The following ZBTB8OS variants were observed in gnomAD, a reference collection of about 807,000 sequenced individuals.
ZBTB8OS encodes the protein tRNA splicing ligase complex subunit 1.
In ZBTB8OS, 16 loss-of-function variants were observed where a neutral mutation model predicts 29.3. That is an observed-to-expected ratio of 0.55 (90% CI 0.37 to 0.83). The LOEUF is 0.83. Among genes scored for constraint, ZBTB8OS ranks in the 40% least tolerant of loss-of-function variants. ZBTB8OS has a pLI of 0.00. For synonymous variants in ZBTB8OS, 70 were observed against 64.6 expected (o/e 1.08, Z -0.40); for missense variants, 160 against 196.9 (o/e 0.81, Z 1.12).
chr1:32,627,713 G>A (rs1645222522), intron 5 of ZBTB8OS, 169 bp from the exon 6 acceptor site: 4 of 615,502 alleles, frequency 6.5e-6, no homozygotes, highest in Non-Finnish European at 8.6e-6. Context: ...GTTGAGGGAC[G>A]TGTGTGCAGT....
chr1:32,624,455 G>C (rs1205926812), intron 6 of ZBTB8OS, among the ~76,000 whole-genome samples: 1 of 152,214 alleles, frequency 6.6e-6, no homozygotes, highest in Non-Finnish European at 1.5e-5. Context: ...CTGAATGCAT[G>C]CATAAATTCA....
chr1:32,632,833 C>T (rs917333996), intron 4 of ZBTB8OS, among the ~76,000 whole-genome samples: 7 of 152,098 alleles, frequency 4.6e-5, no homozygotes, highest in African/African-American at 1.7e-4. Flanking sequence ...TGTTGTTTAA[C>T]GCTGGGGGAA....
chr1:32,632,087 C>G (rs1370488223), intron 4 of ZBTB8OS: 3 of 270,462 alleles, frequency 1.1e-5, no homozygotes, highest in African/African-American at 6.9e-5. Context: ...CTGCAACCTC[C>G]ACCTCCCAGG....
chr1:32,637,429 G>C (rs1646057685), intron 1 of ZBTB8OS, among the ~76,000 whole-genome samples: 2 of 151,834 alleles, frequency 1.3e-5, no homozygotes, highest in Admixed American at 1.3e-4. Context: ...TGAGCTGGGC[G>C]TGGTGGCACC....
Position 32,648,761 on chromosome 1 carries a change from C to G in ZBTB8OS, c.97+1672G>C, listed in dbSNP as rs192485719. 2.5e-3 allele frequency among the ~76,000 whole-genome samples: 373 copies of G among 151,012 alleles called. 1 individual carries two copies. Among genetic ancestry groups the G allele is most frequent in the Middle Eastern group, 0.011 (3 of 284 alleles). On this transcript the variant is annotated intron_variant, in intron 1 of 6. Coordinates refer to ENST00000468695, the MANE Select transcript of ZBTB8OS (RefSeq NM_178547.5). Reference sequence around the variant, plus strand: ...GCAACCTCCGCCTCCCAGGTTCAAGCGATTCTCCTGCCTCAGCCGCCCAAG... The same window carrying G: ...GCAACCTCCGCCTCCCAGGTTCAAGGGATTCTCCTGCCTCAGCCGCCCAAG...
chr1:32,629,567 C>T (rs1163176573), intron 5 of ZBTB8OS, among the ~76,000 whole-genome samples: 1 of 152,060 alleles, frequency 6.6e-6, no homozygotes, highest in Non-Finnish European at 1.5e-5. Flanking sequence ...ACAACTTTTC[C>T]AAAAATATCC....
intron 1 of ZBTB8OS, 62 bp from the exon 2 acceptor site, chr1:32,634,854 A>G: frequency 5.5e-6 from 6 of 1,088,870 alleles, no homozygotes; most frequent in Non-Finnish European, 8.6e-6. Context: ...TCACACACAC[A>G]AAATAACTCT....
rs16835056 is a variant in ZBTB8OS at position 32,629,027 on chromosome 1, T to C, written c.381-1483A>G. Among the ~76,000 whole-genome samples, 259 of 152,312 alleles carry C rather than the reference T, an allele frequency of 1.7e-3. 3 individuals are homozygous for C. The East Asian group carries it at 0.034, about 20-fold the overall frequency. ...AATGTGCCCCAATATAGTGTACCTA[T>C]GGTGGAATCTCAATAAACATTGTTT... is the stretch of plus-strand genomic sequence containing the variant. On this transcript the variant is annotated intron_variant, in intron 5 of 6. Coordinates refer to ENST00000468695, the MANE Select transcript of ZBTB8OS (RefSeq NM_178547.5).
rs374556805 is a variant in ZBTB8OS at position 32,634,596 on chromosome 1, C to T, written c.122+172G>A. ...AGGCTGGGGTGCAGTGGTGCAATCT[C>T]GGCTCACTGAGCCACTGAACCCTGC... is the stretch of plus-strand genomic sequence containing the variant. On this transcript the variant is annotated intron_variant, in intron 2 of 6. Transcript: ENST00000468695. 549 of 733,800 alleles carry T rather than the reference C, an allele frequency of 7.5e-4. 5 individuals carry two copies. The African/African-American group carries it at 8.4e-3, about 11-fold the overall frequency. The allele number at this position is 733,800 out of a possible 1,614,324, so 45.5% of individuals were successfully genotyped here.
chr1:32,647,530 C>G (rs578126197), intron 1 of ZBTB8OS, among the ~76,000 whole-genome samples: 2 of 152,232 alleles, frequency 1.3e-5, no homozygotes, highest in Admixed American at 1.3e-4. Flanking sequence ...AGGAACCAGG[C>G]AGCACAGCAG....
intron 1 of ZBTB8OS, among the ~76,000 whole-genome samples, chr1:32,642,232 G>A (rs756076669): frequency 1.3e-5 from 2 of 152,066 alleles, no homozygotes; most frequent in Non-Finnish European, 2.9e-5. Context: ...GGCCGGGCGC[G>A]GTGGTTCATA....
chr1:32,646,463 C>T (rs1169688662), intron 1 of ZBTB8OS, among the ~76,000 whole-genome samples: 1 of 151,562 alleles, frequency 6.6e-6, no homozygotes, highest in Non-Finnish European at 1.5e-5. Context: ...TCTCGGCTCA[C>T]TGCAAGCTCC....
At chr1:32,621,981 A>T in intron 6 of ZBTB8OS, 33 bp from the exon 7 acceptor site, 1 of 1,394,980 alleles carries the variant, frequency 7.2e-7, no homozygotes. Context: ...AAAAAAAAAA[A>T]AGGAAAATAG....
At chr1:32,630,031 G>A (rs1046792238) in intron 5 of ZBTB8OS, among the ~76,000 whole-genome samples, 2 of 151,870 alleles carry the variant, frequency 1.3e-5, no homozygotes, top group African/African-American at 4.8e-5. Flanking sequence ...GATTACAGGC[G>A]TGAGCCACTG....
At chr1:32,634,329 C>A (rs1645795864) in intron 2 of ZBTB8OS, 1 of 310,760 alleles carries the variant, frequency 3.2e-6, no homozygotes, top group Admixed American at 4.6e-5. Flanking sequence ...TGGGTTCAAG[C>A]AATTCTCCTG....
rs185380805 is a variant in ZBTB8OS at position 32,636,428 on chromosome 1, C to A, written c.98-1636G>T. On this transcript the variant is annotated intron_variant, in intron 1 of 6. Transcript: ENST00000468695. ...ACTTGAGTCTGGGCGCAGTTGCTCA[C>A]GCCTGTAATCCCAGCACTTCGGGAG... is the stretch of plus-strand genomic sequence containing the variant. Among the ~76,000 whole-genome samples, 45 of 152,258 alleles carry A rather than the reference C, an allele frequency of 3.0e-4. No homozygotes were observed. The East Asian group carries it at 8.5e-3, about 29-fold the overall frequency.
At chr1:32,627,627 T>C in intron 5 of ZBTB8OS, 83 bp from the exon 6 acceptor site, 2 of 1,379,040 alleles carry the variant, frequency 1.5e-6, no homozygotes, top group Non-Finnish European at 2.0e-6. Context: ...GTGGTTAACA[T>C]GCTAGAAAGC....
At chr1:32,631,934 T>A in intron 4 of ZBTB8OS, 55 bp from the exon 5 acceptor site, 1 of 800,408 alleles carries the variant, frequency 1.2e-6, no homozygotes, top group Non-Finnish European at 1.8e-6. Context: ...GACTATCTAC[T>A]AAAAATCTTT....
intron 1 of ZBTB8OS, among the ~76,000 whole-genome samples, chr1:32,647,355 T>C (rs1344864862): frequency 2.0e-5 from 3 of 150,846 alleles, no homozygotes; most frequent in Admixed American, 2.0e-4. Flanking sequence ...AAGAATTACT[T>C]GAACCTGGGG....
Sources: gnomAD v4.1 joint callset for allele counts (sites outside exome capture counted in the v4.1 genomes callset) on GRCh38, gnomAD v4.1.1 for gene constraint, MANE v1.5 for transcripts, NCBI Gene and HGNC (gene_info 2026-07-23, HGNC 2026-07-21) for gene names.